The following CENPP variants were observed in gnomAD, a reference collection of about 807,000 sequenced individuals.
CENPP encodes the protein centromere protein P.
CENPP carries 24 observed loss-of-function variants against 35.6 expected under a neutral mutation model. That is an observed-to-expected ratio of 0.67 (90% CI 0.49 to 0.95). CENPP has a LOEUF of 0.95. Among genes scored for constraint, CENPP ranks in the 40% least tolerant of loss-of-function variants. The pLI, the probability that CENPP is intolerant of heterozygous loss-of-function variation, is 0.00. For missense variants in CENPP, 332 were observed against 345.3 expected (o/e 0.96, Z 0.31); for synonymous variants, 120 against 125.5 (o/e 0.96, Z 0.29).
intron 7 of CENPP, 56 bp downstream of exon 7, chr9:92,612,670 G>A (rs951796645): frequency 6.9e-5 from 89 of 1,288,804 alleles, no homozygotes; most frequent in Non-Finnish European, 9.5e-5. Flanking sequence ...CAGCAAAGCC[G>A]CCTGCCTGTT....
At chr9:92,394,067 A>G (rs762851340) in intron 5 of CENPP, among the ~76,000 whole-genome samples, 2 of 152,156 alleles carry the variant, frequency 1.3e-5, no homozygotes, top group African/African-American at 2.4e-5. Flanking sequence ...GTGACATTGT[A>G]CTTTCATATA....
chr9:92,341,115 C>T (rs941758823), intron 3 of CENPP, among the ~76,000 whole-genome samples: 1 of 152,094 alleles, frequency 6.6e-6, no homozygotes, highest in Non-Finnish European at 1.5e-5. Context: ...GAAATATACT[C>T]CAGTCTCCCA....
intron 5 of CENPP, 169 bp from the exon 6 acceptor site, chr9:92,611,145 C>T (rs917206533): frequency 7.8e-6 from 5 of 642,658 alleles, no homozygotes; most frequent in Non-Finnish European, 1.4e-5. Context: ...TACAGTGGGG[C>T]GGACGTGTGT....
intron 5 of CENPP, chr9:92,517,653 C>G: frequency 6.2e-7 from 1 of 1,612,240 alleles, no homozygotes; most frequent in Admixed American, 1.7e-5. Flanking sequence ...AGATTAATCA[C>G]ACACTGATAT....
At chr9:92,393,282 G>A (rs763844419) in intron 5 of CENPP, 14 of 1,503,854 alleles carry the variant, frequency 9.3e-6, no homozygotes, top group Admixed American at 6.0e-5. Context: ...ATGAACAATC[G>A]TTTGAAAATA....
chr9:92,448,885 T>G (rs1243954617), intron 5 of CENPP, among the ~76,000 whole-genome samples: 1 of 152,174 alleles, frequency 6.6e-6, no homozygotes, highest in Non-Finnish European at 1.5e-5. Flanking sequence ...ACATTTAAAC[T>G]ATAGCCTAAA....
At chr9:92,576,339 G>A (rs753700111) in intron 5 of CENPP, among the ~76,000 whole-genome samples, 1 of 152,180 alleles carries the variant, frequency 6.6e-6, no homozygotes, top group Non-Finnish European at 1.5e-5. Flanking sequence ...AAAGGCAAAG[G>A]GAGGAAGGAA....
At chr9:92,562,499 C>T (rs1290660370) in intron 5 of CENPP, among the ~76,000 whole-genome samples, 1 of 152,108 alleles carries the variant, frequency 6.6e-6, no homozygotes, top group East Asian at 1.9e-4. Context: ...AGCCACCGCG[C>T]CCTGCCCCAG....
chr9:92,586,956 A>G, intron 5 of CENPP, among the ~76,000 whole-genome samples: 1 of 150,194 alleles, frequency 6.7e-6, no homozygotes, highest in South Asian at 2.1e-4. Context: ...CAAGAAAAAG[A>G]CAGGGCATAG....
chr9:92,448,464 G>T (rs904752143), intron 5 of CENPP, among the ~76,000 whole-genome samples: 2 of 151,872 alleles, frequency 1.3e-5, no homozygotes, highest in Non-Finnish European at 2.9e-5. Flanking sequence ...TAGAGACGGG[G>T]TTTCACCATT....
At chr9:92,389,762 G>A in intron 5 of CENPP, 1 of 772,134 alleles carries the variant, frequency 1.3e-6, no homozygotes, top group South Asian at 1.9e-5. Context: ...TAGTTTTTAA[G>A]TGTAATCAAA....
intron 5 of CENPP, among the ~76,000 whole-genome samples, chr9:92,543,688 A>G (rs1191482194): frequency 6.6e-6 from 1 of 152,092 alleles, no homozygotes; most frequent in East Asian, 1.9e-4. Context: ...TGAACAAGAG[A>G]TATCTTTTCA....
intron 1 of CENPP, among the ~76,000 whole-genome samples, chr9:92,331,794 C>T (rs1840755212): frequency 6.6e-6 from 1 of 151,934 alleles, no homozygotes; most frequent in Admixed American, 6.6e-5. Context: ...GACCTTGTCT[C>T]TATGAGAAGG....
chr9:92,382,892 CTT>C (rs1213731251), intron 5 of CENPP, among the ~76,000 whole-genome samples: 1,803 of 69,748 alleles, frequency 0.026, 30 homozygotes, highest in African/African-American at 0.067. Context: ...CACTGTTTTC[CTT>C]TTTTTTTTTT....
chr9:92,574,258 G>T (rs1316978361), intron 5 of CENPP, among the ~76,000 whole-genome samples: 2 of 152,034 alleles, frequency 1.3e-5, no homozygotes, highest in African/African-American at 4.8e-5. Context: ...ACTATAGGCT[G>T]TCTACAAGTT....
chr9:92,586,536 G>A (rs568618195), intron 5 of CENPP, among the ~76,000 whole-genome samples: 1 of 152,226 alleles, frequency 6.6e-6, no homozygotes, highest in South Asian at 2.1e-4. Flanking sequence ...CCCGGTATTG[G>A]ATACATACTC....
intron 5 of CENPP, chr9:92,404,729 A>G (rs1843258257): frequency 9.3e-7 from 1 of 1,073,400 alleles, no homozygotes; most frequent in Admixed American, 5.5e-5. Context: ...TGCTTAAGTT[A>G]TTTGTTGTAA....
chr9:92,415,102 T>G, intron 5 of CENPP: 1 of 1,334,374 alleles, frequency 7.5e-7, no homozygotes, highest in Non-Finnish European at 1.0e-6. Context: ...ATTTACTATA[T>G]TAAGTATAGG....
chr9:92,444,597 G>A (rs1258398167), intron 5 of CENPP, among the ~76,000 whole-genome samples: 4 of 152,120 alleles, frequency 2.6e-5, no homozygotes, highest in South Asian at 2.1e-4. Context: ...TCTGTTTTAC[G>A]AGTTTAATAG....
Sources: gnomAD v4.1 joint callset for allele counts (sites outside exome capture counted in the v4.1 genomes callset) on GRCh38, gnomAD v4.1.1 for gene constraint, MANE v1.5 for transcripts, NCBI Gene and HGNC (gene_info 2026-07-23, HGNC 2026-07-21) for gene names.